Variants in GCKR observed in about 807,000 individuals in gnomAD.
GCKR encodes the protein glucokinase regulatory protein.
Under a neutral mutation model 82.9 loss-of-function variants are expected in GCKR, and 73 were observed. The ratio of observed to expected loss-of-function variants is 0.88; its 90% CI spans 0.73 to 1.07. GCKR has a LOEUF of 1.07. Ranked by LOEUF, GCKR falls within the 50% of genes least tolerant of loss-of-function variation. The probability of loss-of-function intolerance (pLI) is 0.00; values close to 1 mark genes in which losing one functional copy is unlikely to be tolerated. For missense variants in GCKR, 784 were observed against 782.1 expected (o/e 1.00, Z -0.03); for synonymous variants, 294 against 291.8 (o/e 1.01, Z -0.08).
chr2:27,508,525 A>G (rs573346308), intron 16 of GCKR, among the ~76,000 whole-genome samples: 1 of 152,204 alleles, frequency 6.6e-6, no homozygotes, highest in South Asian at 2.1e-4. Context: ...GGACAGGTTA[A>G]TTATTTTTAC....
chr2:27,504,637 C>A (rs974158770), intron 9 of GCKR, among the ~76,000 whole-genome samples: 3 of 151,738 alleles, frequency 2.0e-5, no homozygotes, highest in Non-Finnish European at 2.9e-5. Context: ...CGTGAGCCAC[C>A]GCACCCAGCC....
intron 2 of GCKR, 38 bp downstream of exon 2, chr2:27,497,437 A>G (rs762191938): frequency 6.2e-7 from 1 of 1,612,256 alleles, no homozygotes; most frequent in Non-Finnish European, 8.5e-7. Context: ...GGAAATAAAC[A>G]TGCCAACCCC....
intron 16 of GCKR, 68 bp from the exon 17 acceptor site, chr2:27,518,720 G>T: frequency 8.0e-7 from 1 of 1,254,058 alleles, no homozygotes; most frequent in Non-Finnish European, 1.2e-6. Context: ...CTGATAACAG[G>T]GCCCTGTTCA....
In GCKR at chr2:27,516,483, T is replaced by A. The variant is rs1169972047; in HGVS notation, c.1423-2305T>A. On this transcript the variant is annotated intron_variant, in intron 16 of 18. Transcript: ENST00000264717. Reference sequence around the variant, plus strand: ...TTTTCTTTTGTATTTTTAGTAGAGATCAGGTTTCACCCTGTTGGCCAGGCT... The same window carrying A: ...TTTTCTTTTGTATTTTTAGTAGAGAACAGGTTTCACCCTGTTGGCCAGGCT... 2.6e-5 allele frequency among the ~76,000 whole-genome samples: 4 copies of A among 151,022 alleles called. No individual in the cohort carries two copies. In the East Asian group the frequency reaches 7.7e-4, roughly 29 times the overall value.
chr2:27,510,093 C>G (rs565795776), intron 16 of GCKR, among the ~76,000 whole-genome samples: 73 of 152,102 alleles, frequency 4.8e-4, no homozygotes, highest in Admixed American at 1.1e-3. Flanking sequence ...ACTGCAAGCT[C>G]TGTCTCCCAG....
At chr2:27,513,448 G>T (rs1297333630) in intron 16 of GCKR, among the ~76,000 whole-genome samples, 1 of 150,524 alleles carries the variant, frequency 6.6e-6, no homozygotes, top group African/African-American at 2.5e-5. Context: ...AGAATTGTTT[G>T]AACCAGGAGG....
At chr2:27,512,561 G>T (rs1669915407) in intron 16 of GCKR, among the ~76,000 whole-genome samples, 1 of 151,290 alleles carries the variant, frequency 6.6e-6, no homozygotes, top group Non-Finnish European at 1.5e-5. Flanking sequence ...GAAGATAATT[G>T]GAGATGCCTG....
intron 13 of GCKR, 71 bp downstream of exon 13, chr2:27,507,382 G>A (rs752658451): frequency 2.1e-6 from 2 of 956,866 alleles, no homozygotes; most frequent in Non-Finnish European, 3.4e-6. Flanking sequence ...AAAAGGGGAA[G>A]GCGGAGCTAG....
chr2:27,505,692 C>A, intron 9 of GCKR, 26 bp from the exon 10 acceptor site: 1 of 1,271,678 alleles, frequency 7.9e-7, no homozygotes, highest in Non-Finnish European at 1.2e-6. Flanking sequence ...TCTCCCAATT[C>A]CTCTTGGGTG....
rs903289428 is a variant in GCKR at position 27,507,772 on chromosome 2, T to G, written c.1235T>G (p.Leu412Arg). 1 of 1,565,002 alleles carries G rather than the reference T, an allele frequency of 6.4e-7. No individual in the cohort carries two copies. The highest frequency in any genetic ancestry group is 1.4e-5 in the African/African-American group (1 of 73,892). ...GATACTGTGGTCTTCATTTTCACCC[T>G]GGATGGTGAGAGGGAAGATGGGAGT... Reference protein sequence around the residue: ...EIDTVVFIFTLDDNLTEVQTI... With the variant: ...EIDTVVFIFTRDDNLTEVQTI... Residue 412 changes from leucine (L) to arginine (R), a missense_variant, in exon 14 of 19, where the codon CTG becomes CGG. Physicochemically the swap from Leu to Arg is moderately radical, Grantham distance 102. Coordinates refer to ENST00000264717, the MANE Select transcript of GCKR (RefSeq NM_001486.4).
chr2:27,516,986 C>G (rs1473221231), intron 16 of GCKR, among the ~76,000 whole-genome samples: 1 of 150,760 alleles, frequency 6.6e-6, no homozygotes, highest in East Asian at 1.9e-4. Flanking sequence ...GTTTCCTCAG[C>G]CTGGCTAGGA....
chr2:27,498,889 G>A (rs1373291883), intron 5 of GCKR, 92 bp downstream of exon 5: 2 of 838,470 alleles, frequency 2.4e-6, no homozygotes, highest in African/African-American at 3.3e-5. Flanking sequence ...GATTGTGTCT[G>A]GCTTGTCTTA....
In GCKR at chr2:27,509,944, AATTATT is replaced by A. The variant is rs146627456; in HGVS notation, c.1422+1706_1422+1711del. Among the ~76,000 whole-genome samples, 1,484 of 151,802 alleles carry A rather than the reference AATTATT, an allele frequency of 9.8e-3. 28 individuals are homozygous for A. The highest frequency in any genetic ancestry group is 0.034 in the African/African-American group (1,413 of 41,422). On this transcript the variant is annotated intron_variant, in intron 16 of 18. Coordinates refer to ENST00000264717, the MANE Select transcript of GCKR (RefSeq NM_001486.4). ...CTAATAGATCACCATCATTTTCAAA[AATTATT>A]ATTATTATTATTTATTTTTATCATG...
intron 9 of GCKR, among the ~76,000 whole-genome samples, chr2:27,504,637 C>T (rs974158770): frequency 1.3e-5 from 2 of 151,738 alleles, no homozygotes; most frequent in African/African-American, 2.4e-5. Context: ...CGTGAGCCAC[C>T]GCACCCAGCC....
At chr2:27,497,168 C>T (rs1669433690) in intron 1 of GCKR, 76 bp from the exon 2 acceptor site, 1 of 1,543,336 alleles carries the variant, frequency 6.5e-7, no homozygotes, top group African/African-American at 1.4e-5. Flanking sequence ...TGCCTGCTGC[C>T]ACTCCCACCT....
chr2:27,504,971 C>T lies in GCKR; in HGVS notation c.751-747C>T, dbSNP rs369481529. The stretch of plus-strand genomic sequence containing the variant: ...TGAAACCACGTCTCTACCAAAAATA[C>T]AAAAATTAGCCGGGCGTGGTGGCAG... On this transcript the variant is annotated intron_variant, in intron 9 of 18. Transcript: ENST00000264717. 5.5e-4 allele frequency among the ~76,000 whole-genome samples: 83 copies of T among 151,562 alleles called. 2 individuals carry two copies. In the East Asian group the frequency reaches 8.7e-3, roughly 16 times the overall value.
intron 16 of GCKR, among the ~76,000 whole-genome samples, chr2:27,510,856 G>T (rs1421507142): frequency 6.6e-6 from 1 of 151,550 alleles, no homozygotes; most frequent in Non-Finnish European, 1.5e-5. Context: ...GAAGGGGTGT[G>T]TATAGCAAAA....
Position 27,505,720 on chromosome 2 carries a change from C to T in GCKR, c.753C>T (p.Pro251=), listed in dbSNP as rs772349887. The T allele has an allele frequency of 2.1e-5, 33 of 1,583,768 alleles. No homozygotes were observed. The highest frequency in any genetic ancestry group is 8.1e-5 in the African/African-American group (6 of 74,282). ...CTTGGGTGTCTTCACCTCTTCAGCC[C>T]GAGGGTCTCAGCGGCTCCTCCCGGA... ...KAFVLNPAIG[P]EGLSGSSRMK... is the part of the protein sequence containing the mutation. The change falls in exon 10 of 19, where the codon CCC becomes CCT. Residue 251 remains proline, a splice_region_variant and synonymous_variant. Transcript: ENST00000264717.
chr2:27,522,032 T>C (rs1445140042), intron 17 of GCKR, among the ~76,000 whole-genome samples: 3 of 152,160 alleles, frequency 2.0e-5, no homozygotes, highest in African/African-American at 7.2e-5. Context: ...CCTTGCATTA[T>C]ATTTCTACTG....
Sources: gnomAD v4.1 joint callset for allele counts (sites outside exome capture counted in the v4.1 genomes callset) on GRCh38, gnomAD v4.1.1 for gene constraint, MANE v1.5 for transcripts, NCBI Gene and HGNC (gene_info 2026-07-23, HGNC 2026-07-21) for gene names.